The following PTPN9 variants were observed in gnomAD, a reference collection of about 807,000 sequenced individuals.
PTPN9 encodes protein tyrosine phosphatase non-receptor type 9.
A neutral mutation model predicts 69.8 loss-of-function variants in PTPN9; 26 were observed. The observed-to-expected ratio is 0.37, with a 90% confidence interval of 0.27 to 0.52. PTPN9 has a LOEUF of 0.52. Among genes scored for constraint, PTPN9 ranks in the 20% least tolerant of loss-of-function variants. The pLI is 0.91. For missense variants in PTPN9, 549 were observed against 740.3 expected (o/e 0.74, Z 3.00); for synonymous variants, 274 against 272.5 (o/e 1.01, Z -0.05).
At chr15:75,487,083 C>T (rs1239554191) in intron 8 of PTPN9, among the ~76,000 whole-genome samples, 1 of 151,982 alleles carries the variant, frequency 6.6e-6, no homozygotes, top group Non-Finnish European at 1.5e-5. Context: ...CCGTGCCCGG[C>T]AAAGTAATGC....
chr15:75,574,234 G>A (rs770713219), intron 1 of PTPN9, among the ~76,000 whole-genome samples: 7 of 150,540 alleles, frequency 4.6e-5, no homozygotes, highest in African/African-American at 9.8e-5. Context: ...GTAATGAGCC[G>A]TGATTACACC....
At chr15:75,514,170 T>C (rs2074857529) in intron 5 of PTPN9, among the ~76,000 whole-genome samples, 1 of 142,108 alleles carries the variant, frequency 7.0e-6, no homozygotes, top group East Asian at 2.0e-4. Context: ...ACAATTCCTC[T>C]TTTTTTTTTT....
At chr15:75,553,256 A>G (rs922435557) in intron 1 of PTPN9, among the ~76,000 whole-genome samples, 4 of 152,198 alleles carry the variant, frequency 2.6e-5, no homozygotes, top group African/African-American at 9.7e-5. Context: ...AGTACATAAG[A>G]AAAGAATTAA....
intron 6 of PTPN9, among the ~76,000 whole-genome samples, chr15:75,506,505 A>T (rs576933726): frequency 6.6e-6 from 1 of 152,224 alleles, no homozygotes; most frequent in Admixed American, 6.5e-5. Flanking sequence ...CCCAGGAAAA[A>T]TGTGAGATAA....
chr15:75,545,786 T>C (rs1370094244), intron 1 of PTPN9, among the ~76,000 whole-genome samples: 1 of 152,114 alleles, frequency 6.6e-6, no homozygotes, highest in Admixed American at 6.6e-5. Flanking sequence ...CCGTCTCTAC[T>C]AAAAATACAA....
At chr15:75,507,313 G>C (rs1449860801) in intron 6 of PTPN9, among the ~76,000 whole-genome samples, 5 of 152,036 alleles carry the variant, frequency 3.3e-5, no homozygotes. Context: ...GGGCATGTTG[G>C]CAGGAGCCTG....
At chr15:75,479,564 C>A (rs1188654625) in intron 9 of PTPN9, among the ~76,000 whole-genome samples, 2 of 152,172 alleles carry the variant, frequency 1.3e-5, no homozygotes, top group Non-Finnish European at 2.9e-5. Flanking sequence ...GCCCTACACC[C>A]TTGCCAATAC....
chr15:75,578,463 G>T (rs1283944579), intron 1 of PTPN9, among the ~76,000 whole-genome samples: 1 of 152,228 alleles, frequency 6.6e-6, no homozygotes, highest in South Asian at 2.1e-4. Context: ...GGTGGGGTGC[G>T]GAGGGCACCG....
At chr15:75,549,981 C>A (rs893294271) in intron 1 of PTPN9, among the ~76,000 whole-genome samples, 18 of 151,372 alleles carry the variant, frequency 1.2e-4, no homozygotes, top group African/African-American at 3.9e-4. Flanking sequence ...TCTACCCCCA[C>A]CCCCACCAAA....
At chr15:75,539,163 G>T (rs1001998340) in intron 1 of PTPN9, among the ~76,000 whole-genome samples, 5 of 152,142 alleles carry the variant, frequency 3.3e-5, no homozygotes, top group African/African-American at 1.2e-4. Context: ...TGGCCAGGAT[G>T]GTCTTGATCT....
chr15:75,547,518 C>A (rs1648717972), intron 1 of PTPN9, among the ~76,000 whole-genome samples: 1 of 151,978 alleles, frequency 6.6e-6, no homozygotes, highest in East Asian at 1.9e-4. Flanking sequence ...CTGTGCCATA[C>A]ATTTTCTCAT....
At chr15:75,504,066 C>T (rs2074796173) in intron 7 of PTPN9, among the ~76,000 whole-genome samples, 2 of 117,924 alleles carry the variant, frequency 1.7e-5, no homozygotes, top group Admixed American at 8.2e-5. Context: ...CCGACCCGTC[C>T]GGGAGGGAGG....
At chr15:75,532,493 T>C (rs953888127) in intron 1 of PTPN9, among the ~76,000 whole-genome samples, 1 of 152,192 alleles carries the variant, frequency 6.6e-6, no homozygotes. Context: ...TCCTTCAAAG[T>C]ACATCTTGCC....
chr15:75,550,226 C>T (rs905780760), intron 1 of PTPN9, among the ~76,000 whole-genome samples: 16 of 148,078 alleles, frequency 1.1e-4, no homozygotes, highest in African/African-American at 3.2e-4. Flanking sequence ...AGTGCAATGG[C>T]GCTATCTCGG....
intron 7 of PTPN9, among the ~76,000 whole-genome samples, chr15:75,503,804 T>G (rs1019795187): frequency 2.5e-4 from 15 of 60,128 alleles, no homozygotes; most frequent in South Asian, 6.8e-4. Context: ...GGGAGGGAGG[T>G]GGGGGGGTCA....
intron 1 of PTPN9, among the ~76,000 whole-genome samples, chr15:75,552,796 G>C (rs2075061729): frequency 6.8e-6 from 1 of 148,144 alleles, no homozygotes; most frequent in South Asian, 2.2e-4. Context: ...AGAGTCACCG[G>C]CAAACTAGAT....
intron 6 of PTPN9, among the ~76,000 whole-genome samples, chr15:75,508,039 C>CAAAAAAAAAAA (rs990909256): frequency 2.7e-5 from 1 of 37,380 alleles, no homozygotes. Flanking sequence ...GAGACACTCT[C>CAAAAAAAAAAA]AAAAAAAAAA....
intron 1 of PTPN9, among the ~76,000 whole-genome samples, chr15:75,547,059 G>C (rs994527576): frequency 1.3e-5 from 2 of 151,834 alleles, no homozygotes; most frequent in Non-Finnish European, 2.9e-5. Flanking sequence ...ACTTTGGGAG[G>C]CCTGGGTGGG....
intron 7 of PTPN9, among the ~76,000 whole-genome samples, chr15:75,491,104 G>A (rs866359443): frequency 1.3e-5 from 2 of 150,402 alleles, no homozygotes; most frequent in Non-Finnish European, 3.0e-5. Flanking sequence ...GAGAAACCCT[G>A]ACTTAAAAAA....
Sources: gnomAD v4.1 joint callset for allele counts (sites outside exome capture counted in the v4.1 genomes callset) on GRCh38, gnomAD v4.1.1 for gene constraint, MANE v1.5 for transcripts, NCBI Gene and HGNC (gene_info 2026-07-23, HGNC 2026-07-21) for gene names.